PDZD2: variants seen among roughly 807,000 people sequenced by gnomAD.
PDZD2 encodes PDZ domain-containing protein 2.
In PDZD2, 90 loss-of-function variants were observed where a neutral mutation model predicts 220.7. The ratio of observed to expected loss-of-function variants is 0.41; its 90% CI spans 0.34 to 0.49. The LOEUF (loss-of-function observed/expected upper bound fraction) is 0.49. PDZD2 is among the 20% of genes least tolerant of loss of function. The pLI, the probability that PDZD2 is intolerant of heterozygous loss-of-function variation, is 0.28. For synonymous variants in PDZD2, 1,375 were observed against 1,450.5 expected (o/e 0.95, Z 1.18); for missense variants, 3,174 against 3,608.5 (o/e 0.88, Z 3.08).
Position 31,886,749 on chromosome 5 carries a change from G to C in PDZD2, c.476+87025G>C, listed in dbSNP as rs1017792574. Among the ~76,000 whole-genome samples, 15 of 151,256 alleles carry C rather than the reference G, an allele frequency of 9.9e-5. No homozygotes were observed. In the South Asian group the frequency reaches 1.5e-3, roughly 15 times the overall value. ...GTCTTGCTCTGTCGCTCAGGCTGGAGTGCAGTGGTGCGATCTCGGCTCACT... is the reference window on the plus strand; with the variant it reads ...GTCTTGCTCTGTCGCTCAGGCTGGACTGCAGTGGTGCGATCTCGGCTCACT... On this transcript the variant is annotated intron_variant, in intron 2 of 24. Coordinates refer to ENST00000438447, the MANE Select transcript of PDZD2 (RefSeq NM_178140.4).
intron 2 of PDZD2, among the ~76,000 whole-genome samples, chr5:31,982,110 C>A (rs532751726): frequency 6.6e-6 from 1 of 152,222 alleles, no homozygotes; most frequent in African/African-American, 2.4e-5. Flanking sequence ...CTCCAACAGC[C>A]TTTTGTCCTG....
At chr5:32,021,588 G>A (rs1242101785) in intron 6 of PDZD2, among the ~76,000 whole-genome samples, 1 of 152,174 alleles carries the variant, frequency 6.6e-6, no homozygotes, top group Middle Eastern at 3.4e-3. Flanking sequence ...ATGAGCCACC[G>A]CATCTGGCCT....
At chr5:32,072,547 A>G (rs1352221436) in intron 17 of PDZD2, among the ~76,000 whole-genome samples, 1 of 152,202 alleles carries the variant, frequency 6.6e-6, no homozygotes, top group Admixed American at 6.5e-5. Flanking sequence ...CCTGGCTAAC[A>G]TGGTGAAACC....
intron 2 of PDZD2, among the ~76,000 whole-genome samples, chr5:31,905,867 A>G (rs188883436): frequency 6.6e-6 from 1 of 152,096 alleles, no homozygotes; most frequent in African/African-American, 2.4e-5. Context: ...TATTGTTATC[A>G]TCTTTCCTTG....
intron 2 of PDZD2, among the ~76,000 whole-genome samples, chr5:31,982,675 T>C (rs190129097): frequency 1.4e-3 from 215 of 152,312 alleles, no homozygotes; most frequent in African/African-American, 4.9e-3. Flanking sequence ...CCCATTGTTG[T>C]GCTGTTGATT....
intron 2 of PDZD2, among the ~76,000 whole-genome samples, chr5:31,979,312 G>A (rs1750066532): frequency 6.6e-6 from 1 of 152,216 alleles, no homozygotes; most frequent in African/African-American, 2.4e-5. Context: ...GCTCACGCCT[G>A]TAATCCCAGC....
chr5:31,869,517 TCA>T (rs1428637576), intron 2 of PDZD2, among the ~76,000 whole-genome samples: 22 of 151,552 alleles, frequency 1.5e-4, no homozygotes, highest in Non-Finnish European at 2.5e-4. Context: ...TGAGCCAAGA[TCA>T]CGCCACTGCA....
chr5:31,823,742 C>T (rs1037131899), intron 2 of PDZD2, among the ~76,000 whole-genome samples: 1 of 152,142 alleles, frequency 6.6e-6, no homozygotes, highest in African/African-American at 2.4e-5. Context: ...CATCCTCTTA[C>T]GGTCCTGAGA....
Position 32,058,005 on chromosome 5 carries a change from C to G in PDZD2, c.2102C>G (p.Ala701Gly). The G allele has an allele frequency of 6.2e-7, 1 of 1,612,612 alleles. No individual in the cohort carries two copies. The highest frequency in any genetic ancestry group is 8.5e-7 in the Non-Finnish European group (1 of 1,178,704). The stretch of plus-strand genomic sequence containing the variant: ...CCGAACTTCAATACCAGTGGGGGAG[C>G]CTCAGCGGGAGGTTCCGATGAAGGC... ...ASPNFNTSGG[A>G]SAGGSDEGSS... The change falls in exon 12 of 25, where the codon GCC becomes GGC. Residue 701 changes from alanine (A) to glycine (G), a missense_variant. By Grantham distance (60) the Ala-to-Gly change is moderately conservative. Around this residue, in one of 4 missense-constraint regions of PDZD2, gnomAD observed 1,861 missense variants for 2,001.0 expected, o/e 0.93. Transcript: ENST00000438447.
chr5:32,093,675 G>A (rs1304981895), intron 21 of PDZD2, among the ~76,000 whole-genome samples: 2 of 152,088 alleles, frequency 1.3e-5, no homozygotes, highest in East Asian at 1.9e-4. Context: ...ATAATAGAAC[G>A]TTATTAAGAA....
At chr5:31,693,403 G>A (rs1394983421) in intron 1 of PDZD2, among the ~76,000 whole-genome samples, 1 of 152,012 alleles carries the variant, frequency 6.6e-6, no homozygotes, top group African/African-American at 2.4e-5. Flanking sequence ...CACCACACCA[G>A]GCTAATTTCT....
chr5:31,947,703 G>T (rs966840221), intron 2 of PDZD2, among the ~76,000 whole-genome samples: 8 of 152,186 alleles, frequency 5.3e-5, no homozygotes, highest in African/African-American at 1.9e-4. Context: ...TGTGGTCCCA[G>T]CTACTCAGGA....
chr5:32,093,031 G>GA lies in PDZD2; in HGVS notation c.7845+10dup. The GA allele has an allele frequency of 7.4e-7, 1 of 1,358,978 alleles. No homozygotes were observed. The highest frequency in any genetic ancestry group is 1.1e-6 in the Non-Finnish European group (1 of 949,534). The allele number at this position is 1,358,978 out of a possible 1,614,324, so 84.2% of individuals were successfully genotyped here. On this transcript the variant is annotated splice_region_variant and intron_variant, in intron 21 of 24. Transcript: ENST00000438447. The stretch of plus-strand genomic sequence containing the variant: ...AGCGAAAGCACAATCAGAGGTGAGT[G>GA]AAACACAGAAAGCTCAGGAACATGA...
intron 2 of PDZD2, among the ~76,000 whole-genome samples, chr5:31,878,555 CT>C (rs397884384): frequency 4.4e-4 from 21 of 48,192 alleles, no homozygotes; most frequent in South Asian, 2.6e-3. Flanking sequence ...ATGACCTCGG[CT>C]TTTTTTTTTT....
At chr5:31,922,498 T>A (rs1373458973) in intron 2 of PDZD2, among the ~76,000 whole-genome samples, 1 of 152,162 alleles carries the variant, frequency 6.6e-6, no homozygotes, top group African/African-American at 2.4e-5. Context: ...ATCTGGAAAT[T>A]ACACCCTGAA....
intron 1 of PDZD2, among the ~76,000 whole-genome samples, chr5:31,748,471 A>G (rs1223776271): frequency 6.6e-6 from 1 of 152,232 alleles, no homozygotes; most frequent in African/African-American, 2.4e-5. Context: ...AACATAGCAC[A>G]TAATTCCAAC....
At chr5:31,763,758 A>G (rs1751798758) in intron 1 of PDZD2, among the ~76,000 whole-genome samples, 1 of 151,974 alleles carries the variant, frequency 6.6e-6, no homozygotes, top group Admixed American at 6.6e-5. Flanking sequence ...CACCAGCCTC[A>G]TCAAAGCTGG....
intron 2 of PDZD2, among the ~76,000 whole-genome samples, chr5:31,919,405 G>A (rs995024810): frequency 2.6e-5 from 4 of 151,688 alleles, no homozygotes; most frequent in Admixed American, 6.6e-5. Flanking sequence ...AGAGTGCGGC[G>A]GTACGATCTT....
At chr5:31,891,024 C>G (rs1457485124) in intron 2 of PDZD2, among the ~76,000 whole-genome samples, 1 of 152,194 alleles carries the variant, frequency 6.6e-6, no homozygotes, top group African/African-American at 2.4e-5. Context: ...CAACCAGAAC[C>G]CTGAGCTGAG....
Sources: gnomAD v4.1 joint callset for allele counts (sites outside exome capture counted in the v4.1 genomes callset) on GRCh38, gnomAD v4.1.1 for gene constraint, gnomAD v4.1.1 regional missense constraint, MANE v1.5 for transcripts, NCBI Gene and HGNC (gene_info 2026-07-23, HGNC 2026-07-21) for gene names.